WEE2: variants seen among roughly 807,000 people sequenced by gnomAD.
WEE2 encodes the protein wee1-like protein kinase 2.
Under a neutral mutation model 60.1 loss-of-function variants are expected in WEE2, and 50 were observed. The observed-to-expected ratio is 0.83, with a 90% CI of 0.66 to 1.05. The LOEUF (loss-of-function observed/expected upper bound fraction) is 1.05. WEE2 is among the 50% of genes least tolerant of loss of function. WEE2 has a pLI of 0.00. For missense variants in WEE2, 631 were observed against 684.3 expected (o/e 0.92, Z 0.87); for synonymous variants, 240 against 241.0 (o/e 1.00, Z 0.04).
intron 9 of WEE2, 73 bp downstream of exon 9, chr7:141,725,269 A>G (rs1468791091): frequency 2.7e-6 from 4 of 1,490,052 alleles, no homozygotes; most frequent in Non-Finnish European, 3.6e-6. Flanking sequence ...AGTTGGGCAA[A>G]GAAAAATGGA....
intron 3 of WEE2, 111 bp downstream of exon 3, chr7:141,716,378 C>A: frequency 2.8e-6 from 3 of 1,054,356 alleles, no homozygotes; most frequent in South Asian, 1.5e-5. Flanking sequence ...TTCTTCCCTA[C>A]CCTCCCTTTT....
chr7:141,709,823 C>T (rs377078498), intron 1 of WEE2, among the ~76,000 whole-genome samples: 11 of 152,202 alleles, frequency 7.2e-5, no homozygotes, highest in African/African-American at 1.9e-4. Context: ...CCTGTTGCAT[C>T]GTTCATGTTA....
chr7:141,727,618 G>C (rs1478376920), intron 10 of WEE2, 172 bp downstream of exon 10: 1 of 753,980 alleles, frequency 1.3e-6, no homozygotes, highest in Non-Finnish European at 2.0e-6. Context: ...GTAGCATCGG[G>C]CTGGGAGGCT....
chr7:141,717,219 T>C (rs920333570), intron 3 of WEE2, among the ~76,000 whole-genome samples: 3 of 152,248 alleles, frequency 2.0e-5, no homozygotes, highest in African/African-American at 7.2e-5. Flanking sequence ...TTTTGAATGG[T>C]GGAAACTTCA....
At position 141,708,707 on chromosome 7, in the gene WEE2, C is replaced by T. The variant is rs1162993323; in HGVS notation, c.-52C>T. ...CCTCCCTGCTTCTGTAGGTTCACAG[C>T]GTTCCCTTCTGATAGAGCTTTTTGT... On this transcript the variant is annotated 5_prime_UTR_variant, in exon 1 of 12. Coordinates refer to ENST00000397541, the MANE Select transcript of WEE2 (RefSeq NM_001105558.1). The T allele has an allele frequency of 1.3e-5, 19 of 1,486,424 alleles. No homozygotes were observed. In the Admixed American group the frequency reaches 1.5e-4, roughly 12 times the overall value. 92.1% of individuals were successfully genotyped at this position (1,486,424 alleles called of 1,614,324 possible). A position where few individuals can be genotyped will look rare whatever the true frequency, so the allele number is the denominator to read the frequency against.
chr7:141,729,049 A>G (rs1799076035), intron 10 of WEE2, among the ~76,000 whole-genome samples: 1 of 152,240 alleles, frequency 6.6e-6, no homozygotes, highest in Admixed American at 6.5e-5. Flanking sequence ...GTGACGGGCT[A>G]GAGAGTAAAT....
chr7:141,727,388 A>G lies in WEE2; in HGVS notation c.1477A>G (p.Thr493Ala). ...NTVLRPSLGK[T>A]EELQQQLNLE... ...AGTTCTCCGGCCTTCCCTGGGAAAA[A>G]CAGAAGAGCTCCAACAGCAGCTGAA... is the stretch of plus-strand genomic sequence containing the variant. The change falls in exon 10 of 12, where the codon ACA (threonine) becomes GCA (alanine). Residue 493 changes from threonine to alanine, a missense_variant. By Grantham distance (58) the Thr-to-Ala change is moderately conservative (BLOSUM62 0). Coordinates refer to ENST00000397541, the MANE Select transcript of WEE2 (RefSeq NM_001105558.1). The G allele has an allele frequency of 1.9e-6, 3 of 1,614,068 alleles. No individual in the cohort carries two copies. The highest frequency in any genetic ancestry group is 2.5e-6 in the Non-Finnish European group (3 of 1,179,954).
Position 141,727,315 on chromosome 7 carries a change from AC to A in WEE2, c.1406del (p.Pro469LeufsTer32). 6.2e-7 allele frequency: 1 copy of A among 1,614,022 alleles called. No individual in the cohort carries two copies. Among genetic ancestry groups the A allele is most frequent in the Non-Finnish European group, 8.5e-7 (1 of 1,179,948 alleles). ...TCCTATATCATCAGAACATGATCCA[AC>A]CTGATGCCGAACAGAGACCTTCTGC... ...FSSLLKNMIQ[P>X]DAEQRPSAAA... On this transcript the variant is annotated frameshift_variant, in exon 10 of 12. Coordinates refer to ENST00000397541, the MANE Select transcript of WEE2 (RefSeq NM_001105558.1). LOFTEE classifies it high-confidence loss of function.
chr7:141,719,875 C>T (rs567568639), intron 4 of WEE2, among the ~76,000 whole-genome samples: 32 of 152,224 alleles, frequency 2.1e-4, no homozygotes, highest in African/African-American at 7.2e-4. Context: ...TTTCATTTAT[C>T]AGAAATATTA....
At chr7:141,710,634 TA>T (rs969491098) in intron 1 of WEE2, among the ~76,000 whole-genome samples, 2 of 152,104 alleles carry the variant, frequency 1.3e-5, no homozygotes, top group East Asian at 1.9e-4. Context: ...CCAAAGAAAG[TA>T]ATGTTTGAGA....
chr7:141,721,764 G>C (rs1402124174), intron 5 of WEE2, among the ~76,000 whole-genome samples: 1 of 151,924 alleles, frequency 6.6e-6, no homozygotes, highest in Non-Finnish European at 1.5e-5. Context: ...GCATCTAGCC[G>C]AGTGACTTCA....
At chr7:141,719,025 C>G (rs762417234) in intron 3 of WEE2, 47 bp from the exon 4 acceptor site, 6 of 1,582,582 alleles carry the variant, frequency 3.8e-6, no homozygotes, top group Non-Finnish European at 5.2e-6. Context: ...TTATTGCTTA[C>G]AACATGGTAG....
intron 9 of WEE2, among the ~76,000 whole-genome samples, chr7:141,725,770 CT>C (rs1799006644): frequency 1.3e-5 from 2 of 152,140 alleles, no homozygotes; most frequent in Non-Finnish European, 2.9e-5. Context: ...TCTAACAACC[CT>C]ATAAGGTAGA....
chr7:141,710,087 C>T (rs577472027), intron 1 of WEE2, among the ~76,000 whole-genome samples: 2 of 152,086 alleles, frequency 1.3e-5, no homozygotes, highest in African/African-American at 2.4e-5. Flanking sequence ...TAATATGCTC[C>T]GATGTCTATC....
At position 141,719,127 on chromosome 7, in the gene WEE2, A is replaced by T. The variant is rs748896412; in HGVS notation, c.641A>T (p.Glu214Val). The T allele has an allele frequency of 6.2e-7, 1 of 1,614,052 alleles. No homozygotes were observed. The highest frequency in any genetic ancestry group is 8.5e-7 in the Non-Finnish European group (1 of 1,179,978). ...MASRYEKEFL[E>V]VEKIGVGEFG... Reference sequence around the variant, plus strand: ...TCCCGCTATGAAAAAGAATTCTTGGAGGTTGAAAAAATTGGGGTTGGCGAA... The same window carrying T: ...TCCCGCTATGAAAAAGAATTCTTGGTGGTTGAAAAAATTGGGGTTGGCGAA... Residue 214 changes from glutamate (E) to valine (V), a missense_variant, in exon 4 of 12, where the codon GAG becomes GTG. By Grantham distance (121) the Glu-to-Val change is moderately radical. Transcript: ENST00000397541.
intron 1 of WEE2, among the ~76,000 whole-genome samples, chr7:141,709,704 GTA>G (rs1466222548): frequency 6.6e-6 from 1 of 152,198 alleles, no homozygotes; most frequent in Non-Finnish European, 1.5e-5. Flanking sequence ...GGTTCTTCTA[GTA>G]TATGTCAGCA....
At chr7:141,713,329 T>A (rs1270654486) in intron 1 of WEE2, among the ~76,000 whole-genome samples, 1 of 152,184 alleles carries the variant, frequency 6.6e-6, no homozygotes, top group Non-Finnish European at 1.5e-5. Context: ...CTGTGTGTGC[T>A]GCCATACTCC....
chr7:141,713,981 T>A (rs1040618525), intron 1 of WEE2, among the ~76,000 whole-genome samples: 1 of 152,202 alleles, frequency 6.6e-6, no homozygotes, highest in Non-Finnish European at 1.5e-5. Context: ...TTGACTAAAG[T>A]ACAGATTCCT....
At position 141,723,270 on chromosome 7, in the gene WEE2, C is replaced by T. The variant is rs748419553; in HGVS notation, c.1017C>T (p.Asp339=). Residue 339 remains aspartate, a synonymous_variant, in exon 6 of 12, where the codon GAC becomes GAT. Transcript: ENST00000397541. ...ACAACTCTAGCATGGTACACCTGGA[C>T]ATCAAACCTAGTCAGTGTGATTCCC... is the stretch of plus-strand genomic sequence containing the variant. The part of the protein sequence containing the change: ...YIHNSSMVHL[D]IKPSNIFICH... The T allele has an allele frequency of 6.2e-7, 1 of 1,613,748 alleles. No homozygotes were observed. Among genetic ancestry groups the T allele is most frequent in the Non-Finnish European group, 8.5e-7 (1 of 1,179,880 alleles).
Sources: allele counts gnomAD v4.1 joint callset (sites outside exome capture counted in the v4.1 genomes callset), GRCh38; gene constraint gnomAD v4.1.1; transcripts MANE v1.5; gene names NCBI Gene and HGNC (gene_info 2026-07-23, HGNC 2026-07-21).